SLC24A3: variants seen among roughly 807,000 people sequenced by gnomAD.
SLC24A3 encodes solute carrier family 24 member 3.
In SLC24A3, 28 loss-of-function variants were observed where a neutral mutation model predicts 75.8. The observed-to-expected ratio is 0.37, with a 90% CI of 0.27 to 0.51. The LOEUF is 0.51. SLC24A3 is among the 20% of genes least tolerant of loss of function. The pLI is 0.94. For synonymous variants in SLC24A3, 372 were observed against 334.1 expected (o/e 1.11, Z -1.24); for missense variants, 663 against 847.8 (o/e 0.78, Z 2.71).
chr20:19,403,170 G>A (rs1366733276), intron 2 of SLC24A3, among the ~76,000 whole-genome samples: 1 of 152,042 alleles, frequency 6.6e-6, no homozygotes, highest in East Asian at 1.9e-4. Flanking sequence ...TGTCACAATT[G>A]TACTTTTCTA....
intron 1 of SLC24A3, among the ~76,000 whole-genome samples, chr20:19,270,752 T>A (rs1442906553): frequency 2.0e-5 from 3 of 151,638 alleles, no homozygotes; most frequent in Non-Finnish European, 4.4e-5. Context: ...ATTGTATGTA[T>A]GTGAGTGTGG....
chr20:19,692,587 G>A (rs112368136), intron 12 of SLC24A3, among the ~76,000 whole-genome samples: 2,168 of 152,244 alleles, frequency 0.014, 26 homozygotes, highest in Admixed American at 0.021. Flanking sequence ...AGAGGGTGAG[G>A]GTTTGACTAG....
chr20:19,660,275 C>G (rs1372577429), intron 7 of SLC24A3, among the ~76,000 whole-genome samples: 1 of 152,054 alleles, frequency 6.6e-6, no homozygotes, highest in African/African-American at 2.4e-5. Context: ...TTTTGTATCC[C>G]TTGCCCCTCC....
At chr20:19,429,579 G>A (rs1987067128) in intron 2 of SLC24A3, among the ~76,000 whole-genome samples, 1 of 152,218 alleles carries the variant, frequency 6.6e-6, no homozygotes, top group African/African-American at 2.4e-5. Context: ...GGAAGACGAT[G>A]AGAGTTAGAC....
intron 6 of SLC24A3, among the ~76,000 whole-genome samples, chr20:19,593,321 CAGA>C (rs1011136318): frequency 1.3e-5 from 2 of 152,186 alleles, no homozygotes. Flanking sequence ...AGCAAAATCA[CAGA>C]AGGAGGTAGA....
chr20:19,303,332 A>G (rs1025695423), intron 2 of SLC24A3, among the ~76,000 whole-genome samples: 3 of 152,198 alleles, frequency 2.0e-5, no homozygotes, highest in African/African-American at 7.2e-5. Flanking sequence ...GCTGCAAAGG[A>G]CATGCTCTCG....
Position 19,330,220 on chromosome 20 carries a change from A to G in SLC24A3, c.271+49133A>G, listed in dbSNP as rs185731951. On this transcript the variant is annotated intron_variant, in intron 2 of 16. Coordinates refer to ENST00000328041, the MANE Select transcript of SLC24A3 (RefSeq NM_020689.4). ...TTCCCTGGGCAGGGCTGGGCTGAGG[A>G]GGGCCTCCAATCGGTGGGTCTGGAC... is the stretch of plus-strand genomic sequence containing the variant. Among the ~76,000 whole-genome samples, 1,243 of 152,146 alleles carry G rather than the reference A, an allele frequency of 8.2e-3. 42 individuals are homozygous for G. Among genetic ancestry groups the G allele is most frequent in the Admixed American group, 0.06 (910 of 15,270 alleles).
Position 19,484,314 on chromosome 20 carries a change from A to C in SLC24A3, c.272-31174A>C, listed in dbSNP as rs138104162. ...TAAAGGTTATTTTTTGTAAATTTTT[A>C]ATAATTTTGAGCCTGAAACAAAGTT... On this transcript the variant is annotated intron_variant, in intron 2 of 16. Coordinates refer to ENST00000328041, the MANE Select transcript of SLC24A3 (RefSeq NM_020689.4). 1.0e-3 allele frequency among the ~76,000 whole-genome samples: 159 copies of C among 152,298 alleles called. 1 individual carries two copies. In the East Asian group the frequency reaches 0.027, roughly 26 times the overall value.
intron 2 of SLC24A3, among the ~76,000 whole-genome samples, chr20:19,501,539 A>ACAGAT (rs1988384949): frequency 6.6e-6 from 1 of 152,228 alleles, no homozygotes; most frequent in African/African-American, 2.4e-5. Flanking sequence ...AAGAGATCCC[A>ACAGAT]CAGATTCTAA....
At chr20:19,585,186 G>A in intron 5 of SLC24A3, 131 bp downstream of exon 5, 1 of 823,408 alleles carries the variant, frequency 1.2e-6, no homozygotes, top group Non-Finnish European at 1.9e-6. Flanking sequence ...CCAATGAGTA[G>A]AACATCAGCC....
intron 2 of SLC24A3, among the ~76,000 whole-genome samples, chr20:19,384,207 C>G (rs190554428): frequency 2.0e-5 from 3 of 152,286 alleles, no homozygotes; most frequent in Non-Finnish European, 2.9e-5. Flanking sequence ...CAGCTACTCT[C>G]TTATCAAATT....
intron 1 of SLC24A3, among the ~76,000 whole-genome samples, chr20:19,252,904 G>C (rs1217257964): frequency 6.6e-6 from 1 of 152,194 alleles, no homozygotes; most frequent in Non-Finnish European, 1.5e-5. Context: ...AGAAGAGGTG[G>C]TGCTTGATTT....
intron 1 of SLC24A3, among the ~76,000 whole-genome samples, chr20:19,227,925 A>G (rs1981914081): frequency 1.3e-5 from 2 of 152,180 alleles, no homozygotes; most frequent in Non-Finnish European, 1.5e-5. Context: ...TAAATAATTT[A>G]TGGAAAAATG....
At chr20:19,370,341 A>G (rs1269123963) in intron 2 of SLC24A3, among the ~76,000 whole-genome samples, 1 of 152,230 alleles carries the variant, frequency 6.6e-6, no homozygotes, top group Non-Finnish European at 1.5e-5. Flanking sequence ...CATTGACTGT[A>G]TAATACATTT....
intron 9 of SLC24A3, among the ~76,000 whole-genome samples, chr20:19,677,686 C>CTTTTTTTTTTTTTTTTTTTTATTTTT (rs2032542288): frequency 8.8e-6 from 1 of 113,934 alleles, no homozygotes; most frequent in Non-Finnish European, 1.8e-5. Flanking sequence ...TTTTTTTTTT[C>CTTTTTTTTTTTTTTTTTTTTATTTTT]TTTTTTTTTT....
intron 7 of SLC24A3, among the ~76,000 whole-genome samples, chr20:19,665,062 A>G (rs1158564385): frequency 6.6e-6 from 1 of 152,250 alleles, no homozygotes; most frequent in Non-Finnish European, 1.5e-5. Flanking sequence ...GATGGTATAT[A>G]GACCAGGACT....
intron 15 of SLC24A3, among the ~76,000 whole-genome samples, chr20:19,708,293 T>C (rs1420026630): frequency 6.6e-6 from 1 of 152,294 alleles, no homozygotes; most frequent in East Asian, 1.9e-4. Context: ...CTTAACTCCC[T>C]GAGGGCAGAA....
intron 2 of SLC24A3, among the ~76,000 whole-genome samples, chr20:19,485,685 A>G (rs1046452901): frequency 1.1e-4 from 16 of 152,208 alleles, no homozygotes; most frequent in African/African-American, 3.9e-4. Context: ...GGTCCCAGTC[A>G]TACTGGCCTC....
chr20:19,691,327 C>T (rs1210985088), intron 12 of SLC24A3, among the ~76,000 whole-genome samples: 1 of 152,158 alleles, frequency 6.6e-6, no homozygotes, highest in African/African-American at 2.4e-5. Context: ...AGAAGACCTG[C>T]GAGGGCAAAG....
Sources: gnomAD v4.1 joint callset for allele counts (sites outside exome capture counted in the v4.1 genomes callset) on GRCh38, gnomAD v4.1.1 for gene constraint, MANE v1.5 for transcripts, NCBI Gene and HGNC (gene_info 2026-07-23, HGNC 2026-07-21) for gene names.